The following MMP16 variants were observed in gnomAD, a reference collection of about 807,000 sequenced individuals.
The protein encoded by MMP16 is matrix metallopeptidase 16.
A neutral mutation model predicts 67.8 loss-of-function variants in MMP16; 12 were observed. The observed-to-expected ratio is 0.18, with a 90% confidence interval of 0.11 to 0.29. The LOEUF (loss-of-function observed/expected upper bound fraction) is 0.29, where lower values mean the gene tolerates loss of function less well. MMP16 is among the 10% of genes least tolerant of loss of function. The probability of loss-of-function intolerance (pLI) is 1.00; values close to 1 mark genes in which losing one functional copy is unlikely to be tolerated. For synonymous variants in MMP16, 249 were observed against 255.9 expected, an observed-to-expected ratio of 0.97 and a Z score of 0.26; for missense variants, 475 against 765.7, an observed-to-expected ratio of 0.62 and a Z score of 4.48.
intron 1 of MMP16, among the ~76,000 whole-genome samples, chr8:88,208,190 C>A (rs1809458907): frequency 7.0e-6 from 1 of 142,970 alleles, no homozygotes; most frequent in Non-Finnish European, 1.5e-5. Flanking sequence ...AGAGAACCAG[C>A]ACCAAGCTTT....
chr8:88,294,231 C>T lies in MMP16; in HGVS notation c.132+32844G>A, dbSNP rs138087845. 5.4e-3 allele frequency among the ~76,000 whole-genome samples: 808 copies of T among 149,242 alleles called. 8 individuals carry two copies. The highest frequency in any genetic ancestry group is 0.019 in the African/African-American group (766 of 40,054). ...TATATGTGTTGGATATATATATACACACACATATATATACACATATATAGA... is the reference window on the plus strand; with the variant it reads ...TATATGTGTTGGATATATATATACATACACATATATATACACATATATAGA... On this transcript the variant is annotated intron_variant, in intron 1 of 9. Coordinates refer to ENST00000286614, the MANE Select transcript of MMP16 (RefSeq NM_005941.5).
At chr8:88,093,057 A>T (rs999920883) in intron 6 of MMP16, among the ~76,000 whole-genome samples, 2 of 151,886 alleles carry the variant, frequency 1.3e-5, no homozygotes, top group Non-Finnish European at 2.9e-5. Context: ...GGCAATGCAG[A>T]CTGTTTATTG....
chr8:88,146,986 G>C (rs750441622), intron 4 of MMP16, among the ~76,000 whole-genome samples: 5 of 151,748 alleles, frequency 3.3e-5, no homozygotes, highest in Non-Finnish European at 7.4e-5. Context: ...ATAACATTTT[G>C]TATATAAATT....
At chr8:88,084,134 A>G (rs1278286604) in intron 6 of MMP16, among the ~76,000 whole-genome samples, 1 of 152,026 alleles carries the variant, frequency 6.6e-6, no homozygotes, top group Non-Finnish European at 1.5e-5. Flanking sequence ...TAATAGCAAA[A>G]GTATACCTTT....
intron 1 of MMP16, among the ~76,000 whole-genome samples, chr8:88,314,927 G>C (rs1438841998): frequency 6.6e-6 from 1 of 152,148 alleles, no homozygotes; most frequent in Non-Finnish European, 1.5e-5. Context: ...TTAACTCAGA[G>C]TCTGTCCAGC....
chr8:88,280,767 C>G (rs540817272), intron 1 of MMP16, among the ~76,000 whole-genome samples: 24 of 152,154 alleles, frequency 1.6e-4, no homozygotes, highest in Non-Finnish European at 7.4e-5. Context: ...TGCCTGTCGT[C>G]CTAGCTACTC....
intron 3 of MMP16, 44 bp from the exon 4 acceptor site, chr8:88,168,017 C>T (rs1205782977): frequency 3.4e-6 from 5 of 1,453,718 alleles, no homozygotes; most frequent in African/African-American, 2.8e-5. Flanking sequence ...TATGTATAAG[C>T]TAACTTAGTA....
At chr8:88,077,610 C>T (rs958475587) in intron 6 of MMP16, among the ~76,000 whole-genome samples, 1 of 152,154 alleles carries the variant, frequency 6.6e-6, no homozygotes, top group Non-Finnish European at 1.5e-5. Flanking sequence ...ATACAGTCCC[C>T]TATTTCCAGA....
rs1254190391 is a variant in MMP16, at chr8:88,035,491, T to C, written c.*5970A>G. On this transcript the variant is annotated 3_prime_UTR_variant, in exon 10 of 10. Transcript: ENST00000286614. This position sits in a 1 kb window ranked among gnomAD's most constrained non-coding sequence, Gnocchi z 4.7. ...CAGAAATCTCTATAAATAAATGTCT[T>C]TCATACATAACTTTTTATACTTACT... The C allele has an allele frequency of 1.3e-5, 2 of 152,030 alleles. No individual in the cohort carries two copies. Among genetic ancestry groups the C allele is most frequent in the Admixed American group, 6.6e-5 (1 of 15,220 alleles). The allele number at this position is 152,030 out of a possible 1,614,324, so 9.4% of individuals were successfully genotyped here. A position where few individuals can be genotyped will look rare whatever the true frequency, so the allele number is the denominator to read the frequency against.
rs550530591 is a variant in MMP16, at chr8:88,287,032, A to G, written c.132+40043T>C. On this transcript the variant is annotated intron_variant, in intron 1 of 9. Coordinates refer to ENST00000286614, the MANE Select transcript of MMP16 (RefSeq NM_005941.5). ...TTTATCTACAACCACTCTGGTTTCA[A>G]TTCAATACTTTCTCCACACTGCAAC... Among the ~76,000 whole-genome samples, 6 of 152,274 alleles carry G rather than the reference A, an allele frequency of 3.9e-5. No individual in the cohort carries two copies. In the South Asian group the frequency reaches 6.2e-4, roughly 16 times the overall value.
chr8:88,231,447 C>T (rs1420006516), intron 1 of MMP16, among the ~76,000 whole-genome samples: 1 of 152,150 alleles, frequency 6.6e-6, no homozygotes, highest in Non-Finnish European at 1.5e-5. Flanking sequence ...TAAATCCTTA[C>T]ACAGAAAGTT....
rs1402453571 is a variant in MMP16, at chr8:88,041,359, C to T, written c.*102G>A. 7 of 1,256,772 alleles carry T rather than the reference C, an allele frequency of 5.6e-6. No homozygotes were observed. In the Admixed American group the frequency reaches 1.1e-4, roughly 19 times the overall value. 77.9% of individuals were successfully genotyped at this position (1,256,772 alleles called of 1,614,324 possible). ...AAAGGTCAGCCCCGAATCAGGCTGC[C>T]ACAAGCCTGCTCCTAGCTAGGAAAC... On this transcript the variant is annotated 3_prime_UTR_variant, in exon 10 of 10. Coordinates refer to ENST00000286614, the MANE Select transcript of MMP16 (RefSeq NM_005941.5). The surrounding 1 kb of genome is among the most constrained non-coding windows in gnomAD (Gnocchi z 6.0).
intron 7 of MMP16, among the ~76,000 whole-genome samples, chr8:88,073,612 T>C (rs951659898): frequency 2.0e-5 from 3 of 152,184 alleles, no homozygotes; most frequent in Non-Finnish European, 2.9e-5. Flanking sequence ...AGCCCAGGTA[T>C]ATACTTTCAT....
At chr8:88,176,043 T>C (rs936159924) in intron 3 of MMP16, among the ~76,000 whole-genome samples, 1 of 152,210 alleles carries the variant, frequency 6.6e-6, no homozygotes. Flanking sequence ...TATTTCTTTA[T>C]AGCAGTATGA....
chr8:88,224,890 T>G (rs1024522943), intron 1 of MMP16, among the ~76,000 whole-genome samples: 1 of 151,940 alleles, frequency 6.6e-6, no homozygotes, highest in Non-Finnish European at 1.5e-5. Flanking sequence ...CCACACAACC[T>G]TTAAATTATG....
At chr8:88,278,457 G>A (rs1410709090) in intron 1 of MMP16, among the ~76,000 whole-genome samples, 1 of 152,162 alleles carries the variant, frequency 6.6e-6, no homozygotes, top group Non-Finnish European at 1.5e-5. Context: ...AGCATAAGAA[G>A]TATAAGGCTG....
At chr8:88,209,926 A>C (rs1260593282) in intron 1 of MMP16, among the ~76,000 whole-genome samples, 1 of 152,122 alleles carries the variant, frequency 6.6e-6, no homozygotes, top group Non-Finnish European at 1.5e-5. Flanking sequence ...CCTAACCCCA[A>C]GGTGATAAAA....
intron 6 of MMP16, among the ~76,000 whole-genome samples, chr8:88,103,518 A>G (rs28906378): frequency 0.085 from 12,877 of 151,896 alleles, 758 homozygotes; most frequent in Non-Finnish European, 0.13. Context: ...TTTCAGGTCA[A>G]TATAGTGCTT....
At chr8:88,122,725 T>C (rs1220255823) in intron 4 of MMP16, among the ~76,000 whole-genome samples, 1 of 151,624 alleles carries the variant, frequency 6.6e-6, no homozygotes, top group Non-Finnish European at 1.5e-5. Context: ...AAGAGATATG[T>C]GGGAGCCAGC....
Sources: gnomAD v4.1 joint callset for allele counts (sites outside exome capture counted in the v4.1 genomes callset) on GRCh38, gnomAD v4.1.1 for gene constraint, Gnocchi (gnomAD v3.1) non-coding constraint, MANE v1.5 for transcripts, NCBI Gene and HGNC (gene_info 2026-07-23, HGNC 2026-07-21) for gene names.